Variants in MTFR1 observed in about 807,000 individuals in gnomAD.
The protein encoded by MTFR1 is mitochondrial fission regulator 1, also known as chondrocyte protein with a poly-proline region.
Under a neutral mutation model 38.8 loss-of-function variants are expected in MTFR1, and 28 were observed. The ratio of observed to expected loss-of-function variants is 0.72; its 90% CI spans 0.53 to 0.99. The LOEUF (loss-of-function observed/expected upper bound fraction) is 0.99, where lower values mean the gene tolerates loss of function less well. MTFR1 is among the 50% of genes least tolerant of loss of function. The probability of loss-of-function intolerance (pLI) is 0.00; values close to 1 mark genes in which losing one functional copy is unlikely to be tolerated. For missense variants in MTFR1, 358 were observed against 395.5 expected (o/e 0.91, Z 0.81); for synonymous variants, 145 against 137.0 (o/e 1.06, Z -0.41).
At chr8:65,690,791 A>C (rs1260161462) in intron 3 of MTFR1, among the ~76,000 whole-genome samples, 1 of 152,186 alleles carries the variant, frequency 6.6e-6, no homozygotes, top group East Asian at 1.9e-4. Context: ...TTAGGAAGGC[A>C]CCATTCAGAT....
At chr8:65,673,222 G>T (rs1462966155) in intron 2 of MTFR1, among the ~76,000 whole-genome samples, 1 of 152,142 alleles carries the variant, frequency 6.6e-6, no homozygotes, top group African/African-American at 2.4e-5. Flanking sequence ...CTCAGAATAG[G>T]GAGGTCTGAG....
intron 2 of MTFR1, among the ~76,000 whole-genome samples, chr8:65,672,778 C>T (rs1425444166): frequency 6.6e-6 from 1 of 152,130 alleles, no homozygotes; most frequent in Non-Finnish European, 1.5e-5. Context: ...TTTCCTTATG[C>T]CTCATTAACC....
chr8:65,692,197 G>T lies in MTFR1; in HGVS notation c.166-1447G>T, dbSNP rs184250935. Among the ~76,000 whole-genome samples, 47 of 152,164 alleles carry T rather than the reference G, an allele frequency of 3.1e-4. No individual in the cohort carries two copies. The East Asian group carries it at 8.5e-3, about 27-fold the overall frequency. On this transcript the variant is annotated intron_variant, in intron 3 of 7. Coordinates refer to ENST00000262146, the MANE Select transcript of MTFR1 (RefSeq NM_014637.4). ...TATTTAAACCTCACTCATACTTTTA[G>T]TAAGTATTAATCTGATAACTTTATT...
chr8:65,747,634 TAAAA>T lies in MTFR1; in HGVS notation c.*49-23309_*49-23306del, dbSNP rs529267967. The T allele has an allele frequency of 4.5e-6, 7 of 1,545,722 alleles. 1 individual carries two copies. The highest frequency in any genetic ancestry group is 3.6e-5 in the South Asian group (3 of 83,668). On this transcript the variant is annotated intron_variant, in intron 3 of 3. Coordinates refer to the MTFR1 transcript ENST00000521247. ...ACTTATCAAAAAATTAATGTTTTCT[TAAAA>T]AAACTATACACACCTTGGCTTGTCC...
chr8:65,682,836 T>A, intron 3 of MTFR1: 2 of 985,168 alleles, frequency 2.0e-6, no homozygotes, highest in Non-Finnish European at 2.4e-6. Context: ...CCCTGCTTTA[T>A]TTTTAGATCT....
chr8:65,707,107 A>C lies in MTFR1; in HGVS notation c.615A>C (p.Thr205=). 6.2e-7 allele frequency: 1 copy of C among 1,613,564 alleles called. No individual in the cohort carries two copies. Among genetic ancestry groups the C allele is most frequent in the Non-Finnish European group, 8.5e-7 (1 of 1,179,846 alleles). The part of the protein sequence containing the change: ...PPPALGLHQS[T]SAVDLIKERR... ...CTGCACTGGGGCTCCACCAAAGTAC[A>C]TCTGCTGTTGATCTGATTAAAGAAC... is the stretch of plus-strand genomic sequence containing the variant. The change falls in exon 6 of 8, where the codon ACA becomes ACC. Residue 205 remains threonine (T), a synonymous_variant. Transcript: ENST00000262146.
intron 3 of MTFR1, among the ~76,000 whole-genome samples, chr8:65,742,185 C>T (rs563862206): frequency 6.6e-6 from 1 of 152,302 alleles, no homozygotes; most frequent in East Asian, 1.9e-4. Context: ...AAAAGCTACC[C>T]ACATAAAAAT....
chr8:65,752,711 T>C (rs1175135855), intron 3 of MTFR1, among the ~76,000 whole-genome samples: 4 of 152,232 alleles, frequency 2.6e-5, no homozygotes, highest in Non-Finnish European at 5.9e-5. Flanking sequence ...GAAAGTTTTC[T>C]TGAATTATAT....
intron 3 of MTFR1, among the ~76,000 whole-genome samples, chr8:65,769,752 C>A: frequency 6.6e-6 from 1 of 152,156 alleles, no homozygotes; most frequent in East Asian, 1.9e-4. Flanking sequence ...AAATATTAGC[C>A]GGGCATGGTA....
intron 3 of MTFR1, among the ~76,000 whole-genome samples, chr8:65,726,657 G>A (rs949235214): frequency 6.6e-6 from 1 of 152,084 alleles, no homozygotes. Context: ...CAAACCCATG[G>A]AATAGTCTTT....
chr8:65,723,534 T>C (rs1461199124), intron 3 of MTFR1: 1 of 1,553,274 alleles, frequency 6.4e-7, no homozygotes, highest in Admixed American at 1.9e-5. Context: ...TAAATATGTA[T>C]AGTTACCAAT....
intron 3 of MTFR1, among the ~76,000 whole-genome samples, chr8:65,687,334 A>C (rs1805117032): frequency 7.0e-6 from 1 of 142,254 alleles, no homozygotes; most frequent in Non-Finnish European, 1.5e-5. Flanking sequence ...CAGCTTTGTA[A>C]TCTTAAAGAA....
intron 1 of MTFR1, among the ~76,000 whole-genome samples, chr8:65,656,486 A>G (rs1031966417): frequency 6.8e-6 from 1 of 147,940 alleles, no homozygotes; most frequent in Non-Finnish European, 1.5e-5. Flanking sequence ...GGCATGTACC[A>G]CCATGCCTGG....
At chr8:65,720,492 C>T (rs185774547) in intron 3 of MTFR1, 3 of 154,258 alleles carry the variant, frequency 1.9e-5, no homozygotes, top group African/African-American at 7.2e-5. Context: ...TTAAAGCAAC[C>T]AGCATCCACT....
intron 3 of MTFR1, among the ~76,000 whole-genome samples, chr8:65,763,614 T>C (rs1808620628): frequency 6.6e-6 from 1 of 152,194 alleles, no homozygotes; most frequent in African/African-American, 2.4e-5. Flanking sequence ...AGGCATATTT[T>C]TACTCTTCAG....
At chr8:65,648,657 G>A (rs537429069) in intron 1 of MTFR1, among the ~76,000 whole-genome samples, 4 of 151,968 alleles carry the variant, frequency 2.6e-5, no homozygotes, top group Non-Finnish European at 4.4e-5. Flanking sequence ...ATCATTTAAC[G>A]TATAATTTGT....
chr8:65,726,738 T>C (rs1806628016), intron 3 of MTFR1: 2 of 537,452 alleles, frequency 3.7e-6, no homozygotes, highest in Non-Finnish European at 6.7e-6. Flanking sequence ...TAAAATTGTA[T>C]ATAATTTATT....
At chr8:65,646,299 G>C (rs1808964014) in intron 1 of MTFR1, among the ~76,000 whole-genome samples, 1 of 152,182 alleles carries the variant, frequency 6.6e-6, no homozygotes, top group Non-Finnish European at 1.5e-5. Flanking sequence ...CTGAAAGGAT[G>C]GGGGTGGGGG....
chr8:65,737,963 T>A (rs1807222889), intron 3 of MTFR1, among the ~76,000 whole-genome samples: 1 of 152,254 alleles, frequency 6.6e-6, no homozygotes, highest in Admixed American at 6.5e-5. Context: ...TTAAAAAGGA[T>A]ATCAAATCAA....
Sources: allele counts gnomAD v4.1 joint callset (sites outside exome capture counted in the v4.1 genomes callset), GRCh38; gene constraint gnomAD v4.1.1; transcripts MANE v1.5; gene names NCBI Gene and HGNC (gene_info 2026-07-23, HGNC 2026-07-21).